Variants in WDR70 observed in about 807,000 individuals in gnomAD.
WDR70 encodes the protein WD repeat-containing protein 70.
WDR70 carries 53 observed loss-of-function variants against 88.6 expected under a neutral mutation model. That is an observed-to-expected ratio of 0.60 (90% confidence interval 0.48 to 0.75). WDR70 has a LOEUF of 0.75. WDR70 is among the 30% of genes least tolerant of loss of function. WDR70 has a pLI of 0.00. For synonymous variants in WDR70, 280 were observed against 270.0 expected (o/e 1.04, Z -0.36); for missense variants, 610 against 823.2 (o/e 0.74, Z 3.17).
chr5:37,481,149 G>A (rs569567094), intron 8 of WDR70, among the ~76,000 whole-genome samples: 1 of 152,332 alleles, frequency 6.6e-6, no homozygotes, highest in South Asian at 2.1e-4. Flanking sequence ...GCTGCATTGA[G>A]TGTTGGCAGC....
At chr5:37,695,324 G>T (rs74368968) in intron 10 of WDR70, among the ~76,000 whole-genome samples, 3 of 152,158 alleles carry the variant, frequency 2.0e-5, no homozygotes, top group African/African-American at 7.2e-5. Context: ...TTGTGAATTA[G>T]AATTTGACAT....
At chr5:37,527,789 A>C (rs528635634) in intron 9 of WDR70, among the ~76,000 whole-genome samples, 69 of 152,310 alleles carry the variant, frequency 4.5e-4, no homozygotes, top group Admixed American at 3.9e-3. Context: ...CTTACAAGAA[A>C]AAAACAACCC....
chr5:37,692,462 C>T (rs1581501811), intron 10 of WDR70, among the ~76,000 whole-genome samples: 1 of 152,170 alleles, frequency 6.6e-6, no homozygotes, highest in Non-Finnish European at 1.5e-5. Flanking sequence ...TGCAAAAATC[C>T]TCAGTAAAAT....
intron 7 of WDR70, among the ~76,000 whole-genome samples, chr5:37,466,837 G>A (rs1175795441): frequency 3.3e-5 from 5 of 151,524 alleles, no homozygotes; most frequent in African/African-American, 9.7e-5. Flanking sequence ...ACATTTCCTC[G>A]TCATGTAAAG....
intron 17 of WDR70, among the ~76,000 whole-genome samples, chr5:37,733,479 A>G (rs139239846): frequency 9.2e-5 from 14 of 152,222 alleles, no homozygotes; most frequent in African/African-American, 1.9e-4. Context: ...TTTTTATTGT[A>G]TAATTTAATT....
intron 10 of WDR70, among the ~76,000 whole-genome samples, chr5:37,637,856 C>T (rs1232516171): frequency 6.6e-6 from 1 of 152,192 alleles, no homozygotes; most frequent in Non-Finnish European, 1.5e-5. Context: ...CCAATCAATT[C>T]CATGTACTCT....
intron 10 of WDR70, among the ~76,000 whole-genome samples, chr5:37,688,216 T>G (rs1746672065): frequency 6.6e-6 from 1 of 152,196 alleles, no homozygotes; most frequent in African/African-American, 2.4e-5. Context: ...CTGGAAATCA[T>G]TTACTTCAAT....
chr5:37,413,563 A>G (rs550579846), intron 5 of WDR70, among the ~76,000 whole-genome samples: 1 of 152,122 alleles, frequency 6.6e-6, no homozygotes, highest in South Asian at 2.1e-4. Flanking sequence ...TCTACTAAAA[A>G]TAGAAAAATT....
intron 8 of WDR70, chr5:37,506,894 C>T: frequency 1.9e-6 from 2 of 1,033,570 alleles, no homozygotes; most frequent in East Asian, 4.8e-5. Flanking sequence ...TGAGCCACCA[C>T]CCTCCCACTT....
intron 5 of WDR70, among the ~76,000 whole-genome samples, chr5:37,432,013 G>A (rs567704465): frequency 2.6e-5 from 4 of 152,262 alleles, no homozygotes; most frequent in South Asian, 4.1e-4. Flanking sequence ...TACTGTGAAC[G>A]TGGATGTACA....
intron 3 of WDR70, among the ~76,000 whole-genome samples, chr5:37,384,836 G>A (rs971919927): frequency 2.6e-5 from 4 of 152,002 alleles, no homozygotes; most frequent in Middle Eastern, 3.4e-3. Flanking sequence ...ACATCAACCA[G>A]TTCTCCAACT....
At chr5:37,726,161 C>T (rs969513563) in intron 16 of WDR70, among the ~76,000 whole-genome samples, 2 of 152,190 alleles carry the variant, frequency 1.3e-5, no homozygotes, top group African/African-American at 2.4e-5. Context: ...GTGCTATCTT[C>T]CTCTAAGTGC....
chr5:37,632,769 T>A (rs1744852972), intron 10 of WDR70, among the ~76,000 whole-genome samples: 1 of 152,238 alleles, frequency 6.6e-6, no homozygotes, highest in Non-Finnish European at 1.5e-5. Flanking sequence ...TTAATAATTT[T>A]AGTATAGCCT....
At chr5:37,463,938 G>A (rs1314733622) in intron 7 of WDR70, among the ~76,000 whole-genome samples, 1 of 152,206 alleles carries the variant, frequency 6.6e-6, no homozygotes, top group African/African-American at 2.4e-5. Context: ...CAGTGAGACA[G>A]AGGGAAAATG....
chr5:37,584,785 A>G (rs1743318415), intron 9 of WDR70, among the ~76,000 whole-genome samples: 1 of 151,880 alleles, frequency 6.6e-6, no homozygotes, highest in Admixed American at 6.6e-5. Context: ...CACTCACAGT[A>G]AAGGGGTGGA....
chr5:37,438,285 G>T (rs1750543154), intron 6 of WDR70, among the ~76,000 whole-genome samples: 1 of 152,100 alleles, frequency 6.6e-6, no homozygotes, highest in South Asian at 2.1e-4. Context: ...TTTTTATGGT[G>T]TGGGAAAATT....
intron 15 of WDR70, chr5:37,724,156 A>G (rs148734530): frequency 6.6e-6 from 1 of 152,214 alleles, no homozygotes; most frequent in Admixed American, 6.5e-5. Flanking sequence ...TCTGGGGCAA[A>G]AAAAGGGAGT....
chr5:37,481,107 C>G (rs1739651345), intron 8 of WDR70, among the ~76,000 whole-genome samples: 1 of 152,238 alleles, frequency 6.6e-6, no homozygotes, highest in South Asian at 2.1e-4. Context: ...AGCCCCGCCC[C>G]TGTGGCTTTG....
chr5:37,599,588 A>G (rs1743802454), intron 9 of WDR70, among the ~76,000 whole-genome samples: 1 of 152,212 alleles, frequency 6.6e-6, no homozygotes, highest in Non-Finnish European at 1.5e-5. Context: ...CTGGTTATCC[A>G]TATGTAAAAA....
Sources: allele counts gnomAD v4.1 joint callset (sites outside exome capture counted in the v4.1 genomes callset), GRCh38; gene constraint gnomAD v4.1.1; transcripts MANE v1.5; gene names NCBI Gene and HGNC (gene_info 2026-07-23, HGNC 2026-07-21).